Variants in INPP5A observed in about 807,000 individuals in gnomAD.
The protein encoded by INPP5A is inositol polyphosphate-5-phosphatase A.
INPP5A carries 14 observed loss-of-function variants against 65.2 expected under a neutral mutation model. That is an observed-to-expected ratio of 0.21 (90% CI 0.14 to 0.34). INPP5A has a LOEUF of 0.34. Ranked by LOEUF, INPP5A falls within the 10% of genes least tolerant of loss-of-function variation. INPP5A has a pLI of 1.00. For missense variants in INPP5A, 431 were observed against 545.6 expected, an observed-to-expected ratio of 0.79 and a Z score of 2.09; for synonymous variants, 207 against 208.3, an observed-to-expected ratio of 0.99 and a Z score of 0.05.
intron 2 of INPP5A, among the ~76,000 whole-genome samples, chr10:132,613,639 C>T (rs1437572440): frequency 1.3e-5 from 2 of 152,188 alleles, no homozygotes; most frequent in Non-Finnish European, 2.9e-5. Flanking sequence ...TCCCCACTCT[C>T]GATTTCAATG....
chr10:132,658,594 C>T (rs917975662), intron 4 of INPP5A, among the ~76,000 whole-genome samples: 1 of 152,194 alleles, frequency 6.6e-6, no homozygotes, highest in African/African-American at 2.4e-5. Context: ...TGGATGCAGC[C>T]TTGACGCGTG....
At position 132,547,700 on chromosome 10, in the gene INPP5A, G is replaced by A. The variant is rs981629178; in HGVS notation, c.75+9529G>A. Among the ~76,000 whole-genome samples the A allele has an allele frequency of 6.6e-5, 10 of 152,170 alleles. No homozygotes were observed. The highest frequency in any genetic ancestry group is 3.9e-4 in the East Asian group (2 of 5,150). ...GGCTCTTTTTTCAAAGGGTTCCTCC[G>A]GGACGCCTCGCCTAGGCAAGCAGGG... On this transcript the variant is annotated intron_variant, in intron 1 of 15. Coordinates refer to ENST00000368594, the MANE Select transcript of INPP5A (RefSeq NM_005539.5). This position sits in a 1 kb window ranked among gnomAD's most constrained non-coding sequence, Gnocchi z 5.5.
chr10:132,661,109 GC>G (rs1350832205), intron 4 of INPP5A, among the ~76,000 whole-genome samples: 57 of 152,236 alleles, frequency 3.7e-4, no homozygotes, highest in Middle Eastern at 6.8e-3. Context: ...CCACAATCCA[GC>G]CAGGTCTCTC....
chr10:132,776,938 C>T (rs558646964), intron 12 of INPP5A, among the ~76,000 whole-genome samples: 31 of 152,018 alleles, frequency 2.0e-4, no homozygotes, highest in Admixed American at 1.1e-3. Flanking sequence ...ACAGCAAGGC[C>T]GCGGAGGAGC....
chr10:132,633,385 C>G (rs368008621), intron 2 of INPP5A, among the ~76,000 whole-genome samples: 1 of 152,196 alleles, frequency 6.6e-6, no homozygotes, highest in African/African-American at 2.4e-5. Context: ...CCATCCTCTT[C>G]AAATGAGCTA....
In INPP5A at chr10:132,538,308, G is replaced by A; in HGVS notation, c.75+137G>A. The A allele has an allele frequency of 5.5e-6, 2 of 364,786 alleles. No individual in the cohort carries two copies. The highest frequency in any genetic ancestry group is 1.2e-4 in the South Asian group (1 of 8,088). 22.6% of individuals were successfully genotyped at this position (364,786 alleles called of 1,614,324 possible). On this transcript the variant is annotated intron_variant, in intron 1 of 15. Coordinates refer to ENST00000368594, the MANE Select transcript of INPP5A (RefSeq NM_005539.5). This position sits in a 1 kb window ranked among gnomAD's most constrained non-coding sequence, Gnocchi z 4.1. ...CCCCAGACTCTGATCCCTGTACCCGGGACCCCAGACTCCTGTCCTGATTCC... is the reference window on the plus strand; with the variant it reads ...CCCCAGACTCTGATCCCTGTACCCGAGACCCCAGACTCCTGTCCTGATTCC...
chr10:132,736,891 T>C (rs1846186257), intron 9 of INPP5A, among the ~76,000 whole-genome samples: 1 of 152,220 alleles, frequency 6.6e-6, no homozygotes, highest in Non-Finnish European at 1.5e-5. Context: ...TGTGACCTCA[T>C]CTGGTTACCG....
intron 1 of INPP5A, among the ~76,000 whole-genome samples, chr10:132,564,492 C>T (rs916020482): frequency 2.0e-5 from 3 of 152,206 alleles, no homozygotes; most frequent in South Asian, 4.2e-4. Flanking sequence ...GGCCCCTCCT[C>T]CTCCTCAGAG....
In INPP5A at chr10:132,722,168, G is replaced by T. The variant is rs562121058; in HGVS notation, c.648-4653G>T. Among the ~76,000 whole-genome samples the T allele has an allele frequency of 1.3e-4, 20 of 152,220 alleles. No homozygotes were observed. The South Asian group carries it at 4.1e-3, about 32-fold the overall frequency. ...GTAAAGTTGTTTGATCAGAGAATGT[G>T]GTCTCTACCATAGCAGAGAAACAAA... On this transcript the variant is annotated intron_variant, in intron 8 of 15. Coordinates refer to ENST00000368594, the MANE Select transcript of INPP5A (RefSeq NM_005539.5).
chr10:132,579,102 C>T (rs1018053462), intron 1 of INPP5A, among the ~76,000 whole-genome samples: 6 of 152,146 alleles, frequency 3.9e-5, no homozygotes, highest in African/African-American at 9.7e-5. Context: ...AAGGCTGGTG[C>T]GTGCCGGGCA....
chr10:132,581,632 G>A (rs1302778384), intron 1 of INPP5A, among the ~76,000 whole-genome samples: 1 of 152,108 alleles, frequency 6.6e-6, no homozygotes, highest in Non-Finnish European at 1.5e-5. Flanking sequence ...ATCTCTTTGA[G>A]GATTAAGGAG....
chr10:132,596,918 T>C (rs2071703021), intron 1 of INPP5A, among the ~76,000 whole-genome samples: 2 of 21,962 alleles, frequency 9.1e-5, no homozygotes, highest in Admixed American at 7.3e-4. Context: ...TGTGTGCATG[T>C]GTGCGCGCAT....
intron 2 of INPP5A, among the ~76,000 whole-genome samples, chr10:132,632,906 A>G (rs1220455262): frequency 6.6e-6 from 1 of 152,200 alleles, no homozygotes; most frequent in Non-Finnish European, 1.5e-5. Context: ...GTGATGCCAC[A>G]TCGGTGGCTT....
intron 1 of INPP5A, among the ~76,000 whole-genome samples, chr10:132,597,079 GTGTGTGTA>G (rs2071711521): frequency 6.6e-6 from 1 of 151,612 alleles, no homozygotes; most frequent in African/African-American, 2.4e-5. Flanking sequence ...ACGTGTGTGC[GTGTGTGTA>G]TGTGTGCATG....
chr10:132,766,055 C>T (rs931439596), intron 12 of INPP5A, among the ~76,000 whole-genome samples: 6 of 152,150 alleles, frequency 3.9e-5, no homozygotes, highest in Admixed American at 2.0e-4. Context: ...TGTGTGTGAA[C>T]GTATGCGTCT....
intron 4 of INPP5A, among the ~76,000 whole-genome samples, chr10:132,683,993 G>A (rs1293672745): frequency 6.6e-6 from 1 of 152,220 alleles, no homozygotes; most frequent in Non-Finnish European, 1.5e-5. Context: ...AAGATTATAG[G>A]TGTGAGCCAC....
chr10:132,622,990 G>T lies in INPP5A; in HGVS notation c.117+15034G>T, dbSNP rs1456541780. Among the ~76,000 whole-genome samples, 3 of 150,854 alleles carry T rather than the reference G, an allele frequency of 2.0e-5. No individual in the cohort carries two copies. In the East Asian group the frequency reaches 5.8e-4, roughly 29 times the overall value. ...GATTGGAAGACTCAGTTACGGTGAC[G>T]TGTTAGAACTTGAGAAATATACCGT... On this transcript the variant is annotated intron_variant, in intron 2 of 15. Transcript: ENST00000368594.
intron 9 of INPP5A, among the ~76,000 whole-genome samples, chr10:132,748,288 C>T (rs1846408144): frequency 6.6e-6 from 1 of 152,148 alleles, no homozygotes; most frequent in Admixed American, 6.5e-5. Context: ...TTGTGTAAGG[C>T]AGCAGCTGTG....
intron 5 of INPP5A, among the ~76,000 whole-genome samples, chr10:132,696,528 A>G (rs886310827): frequency 6.6e-6 from 1 of 152,214 alleles, no homozygotes; most frequent in African/African-American, 2.4e-5. Context: ...GAAGACACAG[A>G]GGAGGCTGAC....
Sources: allele counts gnomAD v4.1 joint callset (sites outside exome capture counted in the v4.1 genomes callset), GRCh38; gene constraint gnomAD v4.1.1; non-coding constraint Gnocchi (gnomAD v3.1); transcripts MANE v1.5; gene names NCBI Gene and HGNC (gene_info 2026-07-23, HGNC 2026-07-21).